The following ZNF219 variants were observed in gnomAD, a reference collection of about 807,000 sequenced individuals.
ZNF219 encodes the protein zinc finger protein 219.
A neutral mutation model predicts 54.4 loss-of-function variants in ZNF219; 17 were observed. The ratio of observed to expected loss-of-function variants is 0.31; its 90% CI spans 0.21 to 0.47. The LOEUF (loss-of-function observed/expected upper bound fraction) is 0.47. Among genes scored for constraint, ZNF219 ranks in the 20% least tolerant of loss-of-function variants. The pLI, the probability that ZNF219 is intolerant of heterozygous loss-of-function variation, is 1.00. For synonymous variants in ZNF219, 518 were observed against 476.4 expected (o/e 1.09, Z -1.14); for missense variants, 1,014 against 1,062.3 (o/e 0.95, Z 0.63).
At chr14:21,102,947 G>T (rs1418821476), upstream of ZNF219, 1 of 1,354,096 alleles carries the variant, frequency 7.4e-7, no homozygotes, top group Non-Finnish European at 9.9e-7. Flanking sequence ...CTCCCCTAAT[G>T]GTGGGTAAGA....
chr14:21,094,190 C>G (rs1245157333), intron 1 of ZNF219, among the ~76,000 whole-genome samples: 1 of 152,132 alleles, frequency 6.6e-6, no homozygotes, highest in Non-Finnish European at 1.5e-5. Context: ...ATTCCTGATC[C>G]ATTCATTTCC....
At chr14:21,101,919 T>C (rs1317781577), upstream of ZNF219, 2 of 1,551,662 alleles carry the variant, frequency 1.3e-6, no homozygotes, top group Non-Finnish European at 8.7e-7. Flanking sequence ...CTCAGTCGCC[T>C]GCCTGAACTC....
intron 4 of ZNF219, 131 bp downstream of exon 4, chr14:21,091,280 G>C (rs1458441868): frequency 4.6e-6 from 7 of 1,509,482 alleles, no homozygotes; most frequent in African/African-American, 1.4e-5. Context: ...TAATAAAGGA[G>C]CGTTTCCCAA....
chr14:21,092,007 CTCT>C lies in ZNF219; in HGVS notation c.1287_1289del (p.Glu431del), dbSNP rs1440072009. The C allele has an allele frequency of 1.3e-6, 2 of 1,555,526 alleles. No individual in the cohort carries two copies. Among genetic ancestry groups the C allele is most frequent in the Non-Finnish European group, 1.7e-6 (2 of 1,150,028 alleles). On this transcript the variant is annotated inframe_deletion, in exon 3 of 5. Coordinates refer to ENST00000360947, the MANE Select transcript of ZNF219 (RefSeq NM_016423.3). ...TTTCCTCCTCGGCCTCCACCACCTC[CTCT>C]TCTTCCTCAGGCTCCTCCGCACGGT...
intron 1 of ZNF219, chr14:21,094,294 G>A: frequency 4.5e-6 from 2 of 444,012 alleles, no homozygotes; most frequent in Non-Finnish European, 9.1e-6. Flanking sequence ...TGAAGGGGGA[G>A]GGAGCCAGAG....
Position 21,091,392 on chromosome 14 carries a change from C to T in ZNF219, c.1564+19G>A, listed in dbSNP as rs768357713. 10 of 1,585,234 alleles carry T rather than the reference C, an allele frequency of 6.3e-6. No individual in the cohort carries two copies. The highest frequency in any genetic ancestry group is 8.6e-6 in the Non-Finnish European group (10 of 1,157,206). Reference sequence around the variant, plus strand: ...CCCGCCCCCAGTCCCCTCTCCACGCCGGAGGCTGCCTCCCTCACCTGTGTG... The same window carrying T: ...CCCGCCCCCAGTCCCCTCTCCACGCTGGAGGCTGCCTCCCTCACCTGTGTG... On this transcript the variant is annotated intron_variant, in intron 4 of 4. Transcript: ENST00000360947.
rs1888965736 is a variant in ZNF219 at position 21,092,243 on chromosome 14, G to A, written c.1054C>T (p.Leu352=). ...RAPQPPDLGL[L]AYEPLGPALL... ...GCTGGGCCCAACGGCTCATAGGCCA[G>A]CAGGCCGAGGTCAGGAGGCTGGGGG... Residue 352 remains leucine (L), a synonymous_variant, in exon 3 of 5, where the codon CTG becomes TTG. Coordinates refer to ENST00000360947, the MANE Select transcript of ZNF219 (RefSeq NM_016423.3). The A allele has an allele frequency of 1.4e-6, 2 of 1,457,588 alleles. No homozygotes were observed. Among genetic ancestry groups the A allele is most frequent in the Non-Finnish European group, 1.8e-6 (2 of 1,109,860 alleles). The allele number at this position is 1,457,588 out of a possible 1,614,324, so 90.3% of individuals were successfully genotyped here.
chr14:21,090,723 A>G lies in ZNF219; in HGVS notation c.1982T>C (p.Met661Thr), dbSNP rs1051885593. Residue 661 changes from methionine (M) to threonine (T), a missense_variant, in exon 5 of 5, where the codon ATG becomes ACG. Around this residue, in one of 5 missense-constraint regions of ZNF219, gnomAD observed 281 missense variants for 271.2 expected, o/e 1.04. Transcript: ENST00000360947. The surrounding 1 kb of genome is among the most constrained non-coding windows in gnomAD (Gnocchi z 4.4). ...CPFATGAPEL[M>T]ALHLQVHHSR... ...GTGGTGCACTTGAAGGTGCAAGGCC[A>G]TGAGCTCTGGGGCTCCAGTGGCGAA... is the stretch of plus-strand genomic sequence containing the variant. The G allele has an allele frequency of 6.2e-7, 1 of 1,610,574 alleles. No individual in the cohort carries two copies. Among genetic ancestry groups the G allele is most frequent in the Non-Finnish European group, 8.5e-7 (1 of 1,179,196 alleles).
chr14:21,098,646 G>A lies in ZNF219; in HGVS notation c.-418C>T. ...GGCCGCCAGGGGCGGGGTGCGGGCG[G>A]TTTGGAGACGGGGGGCGCTGTCGGA... On this transcript the variant is annotated 5_prime_UTR_variant, in exon 1 of 5. Coordinates refer to ENST00000360947, the MANE Select transcript of ZNF219 (RefSeq NM_016423.3). The A allele has an allele frequency of 2.0e-6, 2 of 1,020,380 alleles. No homozygotes were observed. Among genetic ancestry groups the A allele is most frequent in the Non-Finnish European group, 2.4e-6 (2 of 847,158 alleles). 63.2% of individuals were successfully genotyped at this position (1,020,380 alleles called of 1,614,324 possible).
intron 1 of ZNF219, among the ~76,000 whole-genome samples, chr14:21,096,103 T>C (rs555799645): frequency 1.3e-5 from 2 of 152,302 alleles, no homozygotes; most frequent in South Asian, 4.1e-4. Flanking sequence ...ACTCTCATTC[T>C]GAGAAGATTC....
In ZNF219 at chr14:21,090,417, G is replaced by T. The variant is rs1377774854; in HGVS notation, c.*119C>A. The T allele has an allele frequency of 5.8e-6, 8 of 1,370,992 alleles. No homozygotes were observed. In the Admixed American group the frequency reaches 7.1e-5, roughly 12 times the overall value. 84.9% of individuals were successfully genotyped at this position (1,370,992 alleles called of 1,614,324 possible). On this transcript the variant is annotated 3_prime_UTR_variant, in exon 5 of 5. Transcript: ENST00000360947. This position sits in a 1 kb window ranked among gnomAD's most constrained non-coding sequence, Gnocchi z 4.4. ...CCGCCGCGCCTTCCACCTCTGGTCC[G>T]CCTGGGGCTGGGATATGGGTCCCAC...
At chr14:21,103,522 ACTTTT>A (rs1889783968), upstream of ZNF219, 2 of 467,326 alleles carry the variant, frequency 4.3e-6, no homozygotes, top group South Asian at 2.5e-5. Flanking sequence ...GCCTCATCGC[ACTTTT>A]CTTTTCTGTC....
At chr14:21,094,130 T>C (rs1367084345) in intron 1 of ZNF219, among the ~76,000 whole-genome samples, 1 of 152,204 alleles carries the variant, frequency 6.6e-6, no homozygotes, top group Non-Finnish European at 1.5e-5. Flanking sequence ...CCTTCTGCCC[T>C]TACCCTGTCT....
upstream of ZNF219, chr14:21,103,375 C>T: frequency 7.0e-7 from 1 of 1,437,192 alleles, no homozygotes; most frequent in Non-Finnish European, 9.1e-7. Flanking sequence ...AAAGCAGGCC[C>T]TTTTTTCGTT....
chr14:21,092,931 C>T lies in ZNF219; in HGVS notation c.366G>A (p.Glu122=). 1.3e-6 allele frequency: 2 copies of T among 1,569,884 alleles called. No homozygotes were observed. The highest frequency in any genetic ancestry group is 8.6e-7 in the Non-Finnish European group (1 of 1,159,382). Residue 122 remains glutamate, a synonymous_variant, in exon 3 of 5, where the codon GAG becomes GAA. Transcript: ENST00000360947. ...PRSPAARLLL[E]LEERALLREA... is the part of the protein sequence containing the mutation. The stretch of plus-strand genomic sequence containing the variant: ...CGCGTAGTAGCGCGCGCTCTTCCAA[C>T]TCCAGCAACAGGCGTGCAGCAGGAC...
Position 21,090,478 on chromosome 14 carries a change from T to C in ZNF219, c.*58A>G. 2 of 1,528,764 alleles carry C rather than the reference T, an allele frequency of 1.3e-6. No homozygotes were observed. Among genetic ancestry groups the C allele is most frequent in the Non-Finnish European group, 1.8e-6 (2 of 1,135,686 alleles). 94.7% of individuals were successfully genotyped at this position (1,528,764 alleles called of 1,614,324 possible). The stretch of plus-strand genomic sequence containing the variant: ...GCTGGCTTCTCTACCCAACTACCTC[T>C]AGCGCTCCCCCGCTCCGGCGGGGTA... On this transcript the variant is annotated 3_prime_UTR_variant, in exon 5 of 5. Transcript: ENST00000360947. The surrounding 1 kb of genome is among the most constrained non-coding windows in gnomAD (Gnocchi z 4.4).
At chr14:21,098,892 GCCTCTC>G, upstream of ZNF219, 3 of 1,274,786 alleles carry the variant, frequency 2.4e-6, no homozygotes, top group Non-Finnish European at 2.0e-6. Context: ...TTATCTCAAA[GCCTCTC>G]CCTTACAATT....
upstream of ZNF219, chr14:21,103,406 T>C (rs1318125792): frequency 1.1e-5 from 14 of 1,296,666 alleles, no homozygotes; most frequent in East Asian, 7.6e-5. Flanking sequence ...TAGGGGAAGA[T>C]ACACCTGGAC....
chr14:21,096,062 A>T (rs1368869885), intron 1 of ZNF219, among the ~76,000 whole-genome samples: 1 of 152,040 alleles, frequency 6.6e-6, no homozygotes, highest in Non-Finnish European at 1.5e-5. Context: ...GGAATACTGC[A>T]TGGTCATAGC....
Sources: gnomAD v4.1 joint callset for allele counts (sites outside exome capture counted in the v4.1 genomes callset) on GRCh38, gnomAD v4.1.1 for gene constraint, gnomAD v4.1.1 regional missense constraint, Gnocchi (gnomAD v3.1) non-coding constraint, MANE v1.5 for transcripts, NCBI Gene and HGNC (gene_info 2026-07-23, HGNC 2026-07-21) for gene names.